ARPC2: variants seen among roughly 807,000 people sequenced by gnomAD.
ARPC2 encodes actin-related protein 2/3 complex subunit 2.
Under a neutral mutation model 38.6 loss-of-function variants are expected in ARPC2, and 4 were observed. The observed-to-expected ratio is 0.10, with a 90% CI of 0.05 to 0.24. The LOEUF is 0.24. Ranked by LOEUF, ARPC2 falls within the 10% of genes least tolerant of loss-of-function variation. The pLI, the probability that ARPC2 is intolerant of heterozygous loss-of-function variation, is 1.00. For synonymous variants in ARPC2, 125 were observed against 140.8 expected (o/e 0.89, Z 0.79); for missense variants, 229 against 387.3 (o/e 0.59, Z 3.43).
chr2:218,245,232 T>G (rs1690003796), intron 7 of ARPC2, among the ~76,000 whole-genome samples, 188 bp from the exon 8 acceptor site: 1 of 152,202 alleles, frequency 6.6e-6, no homozygotes, highest in Non-Finnish European at 1.5e-5. Context: ...GTCTCTCCCG[T>G]TTGAATCTGA....
intron 7 of ARPC2, among the ~76,000 whole-genome samples, chr2:218,240,503 C>T (rs889637080): frequency 1.8e-4 from 27 of 152,076 alleles, no homozygotes; most frequent in African/African-American, 6.3e-4. Flanking sequence ...TAGTAGATAA[C>T]GCATGAACAG....
intron 6 of ARPC2, 66 bp from the exon 7 acceptor site, chr2:218,239,325 G>C: frequency 8.7e-7 from 1 of 1,144,602 alleles, no homozygotes; most frequent in Middle Eastern, 1.9e-4. Flanking sequence ...TGTACTTGTA[G>C]ATCAAGTTAT....
intron 2 of ARPC2, among the ~76,000 whole-genome samples, chr2:218,218,403 G>A (rs1481650019): frequency 1.3e-5 from 2 of 152,210 alleles, no homozygotes; most frequent in Non-Finnish European, 2.9e-5. Context: ...TGGGCTTAGG[G>A]CATCTTTCCA....
At chr2:218,239,244 A>T (rs1689851224) in intron 6 of ARPC2, 147 bp from the exon 7 acceptor site, 1 of 624,650 alleles carries the variant, frequency 1.6e-6, no homozygotes, top group African/African-American at 1.8e-5. Flanking sequence ...GACTTTGTTG[A>T]CCATAAATAT....
intron 2 of ARPC2, 94 bp from the exon 3 acceptor site, chr2:218,225,826 G>T: frequency 8.4e-7 from 1 of 1,184,700 alleles, no homozygotes; most frequent in South Asian, 1.2e-5. Flanking sequence ...AGAATGGTCT[G>T]ATCTTAAGTG....
At position 218,238,612 on chromosome 2, in the gene ARPC2, T is replaced by A. The variant is rs1476476108; in HGVS notation, c.269-52T>A. On this transcript the variant is annotated intron_variant, in intron 5 of 10. Transcript: ENST00000315717. ...CTGCTTTTTTTTTTTTTTTTTTTTT[T>A]AAATGTAACTGCTGGGTTGTTTTTT... 1.5e-4 allele frequency: 121 copies of A among 823,406 alleles called. 1 individual carries two copies. Among genetic ancestry groups the A allele is most frequent in the East Asian group, 2.1e-4 (7 of 33,730 alleles). 51.0% of individuals were successfully genotyped at this position (823,406 alleles called of 1,614,324 possible). A position where few individuals can be genotyped will look rare whatever the true frequency, so the allele number is the denominator to read the frequency against.
chr2:218,225,906 T>G lies in ARPC2; in HGVS notation c.75-14T>G, dbSNP rs1689485425. The G allele has an allele frequency of 6.2e-7, 1 of 1,613,544 alleles. No homozygotes were observed. On this transcript the variant is annotated splice_polypyrimidine_tract_variant and intron_variant, in intron 2 of 10. Transcript: ENST00000315717. ...ACAGTCATCTTAACTGAGGACCTTT[T>G]TTGTTGTTTACAGAAACAAACCGGA...
chr2:218,228,436 A>AGAT (rs1428456529), intron 3 of ARPC2, among the ~76,000 whole-genome samples: 1 of 152,068 alleles, frequency 6.6e-6, no homozygotes, highest in Non-Finnish European at 1.5e-5. Context: ...CTCATGATGG[A>AGAT]GATGAGAGTT....
intron 4 of ARPC2, 44 bp downstream of exon 4, chr2:218,228,894 T>C: frequency 7.7e-7 from 1 of 1,300,346 alleles, no homozygotes; most frequent in Non-Finnish European, 1.1e-6. Context: ...TTTCCTCACC[T>C]TTCATTGGCA....
chr2:218,228,402 CAA>C (rs879894821), intron 3 of ARPC2, among the ~76,000 whole-genome samples: 2 of 137,980 alleles, frequency 1.4e-5, no homozygotes, highest in Non-Finnish European at 1.6e-5. Context: ...GACTCTATCT[CAA>C]AAAAAAAAAA....
At chr2:218,245,080 G>T (rs1489943039) in intron 7 of ARPC2, among the ~76,000 whole-genome samples, 1 of 152,186 alleles carries the variant, frequency 6.6e-6, no homozygotes, top group African/African-American at 2.4e-5. Flanking sequence ...ATAGCAACAG[G>T]ATCCTCAGTG....
intron 4 of ARPC2, among the ~76,000 whole-genome samples, chr2:218,230,311 T>TTTTTTG (rs1404699590): frequency 3.6e-5 from 4 of 110,238 alleles, no homozygotes; most frequent in Admixed American, 1.7e-4. Context: ...TTTTTTTTTT[T>TTTTTTG]GACAAGGTCT....
intron 4 of ARPC2, among the ~76,000 whole-genome samples, chr2:218,230,287 C>CTT (rs768585570): frequency 1.8e-3 from 135 of 73,014 alleles, no homozygotes; most frequent in Non-Finnish European, 2.2e-3. Context: ...TTTTTTTTTT[C>CTT]TTTTTTTTTT....
rs550690433 is a variant in ARPC2, at chr2:218,250,907, G to A, written c.878+986G>A. Among the ~76,000 whole-genome samples the A allele has an allele frequency of 2.6e-4, 40 of 151,994 alleles. 1 individual carries two copies. The highest frequency in any genetic ancestry group is 4.6e-4 in the Non-Finnish European group (31 of 67,968). ...GGGGGAGACAGAGTCTCACTCTGTC[G>A]CCCAGGCTGGAGTGCAGTGGCGCGA... On this transcript the variant is annotated intron_variant, in intron 10 of 10. Coordinates refer to ENST00000315717, the MANE Select transcript of ARPC2 (RefSeq NM_152862.3).
chr2:218,229,183 C>T (rs1574579761), intron 4 of ARPC2: 1 of 160,108 alleles, frequency 6.2e-6, no homozygotes, highest in Admixed American at 6.4e-5. Flanking sequence ...TAGATAACTT[C>T]TAGCTTGTTT....
intron 8 of ARPC2, 127 bp from the exon 9 acceptor site, chr2:218,249,237 G>A (rs1227585607): frequency 1.5e-6 from 1 of 649,840 alleles, no homozygotes; most frequent in East Asian, 3.0e-5. Context: ...GACAAAGCCT[G>A]GTAATACTGA....
In ARPC2 at chr2:218,225,998, G is replaced by A. The variant is rs1689487079; in HGVS notation, c.109+44G>A. 3.1e-6 allele frequency: 5 copies of A among 1,600,168 alleles called. No homozygotes were observed. The South Asian group carries it at 4.4e-5, about 14-fold the overall frequency. On this transcript the variant is annotated intron_variant, in intron 3 of 10. Coordinates refer to ENST00000315717, the MANE Select transcript of ARPC2 (RefSeq NM_152862.3). ...GCCCTCTGAAGAGAAGGTACAATAT[G>A]AAAAATAGGAAATAGGCTGGGTGCA...
At chr2:218,237,920 C>T (rs1015642738) in intron 5 of ARPC2, among the ~76,000 whole-genome samples, 1 of 152,056 alleles carries the variant, frequency 6.6e-6, no homozygotes, top group Non-Finnish European at 1.5e-5. Flanking sequence ...CAGTTCTGTT[C>T]GACTCAAAAT....
chr2:218,253,451 A>G (rs1351282706), intron 10 of ARPC2, among the ~76,000 whole-genome samples: 1 of 152,214 alleles, frequency 6.6e-6, no homozygotes, highest in African/African-American at 2.4e-5. Context: ...TGAACCAGCC[A>G]CCTGCCTTCA....
Sources: gnomAD v4.1 joint callset for allele counts (sites outside exome capture counted in the v4.1 genomes callset) on GRCh38, gnomAD v4.1.1 for gene constraint, MANE v1.5 for transcripts, NCBI Gene and HGNC (gene_info 2026-07-23, HGNC 2026-07-21) for gene names.